Variants in RSRC1 observed in about 807,000 individuals in gnomAD.
RSRC1 encodes serine/Arginine-related protein 53.
In RSRC1, 39 loss-of-function variants were observed where a neutral mutation model predicts 49.1. The ratio of observed to expected loss-of-function variants is 0.79; its 90% CI spans 0.61 to 1.04. The LOEUF is 1.04. RSRC1 is among the 50% of genes least tolerant of loss of function. The pLI, the probability that RSRC1 is intolerant of heterozygous loss-of-function variation, is 0.00. For synonymous variants in RSRC1, 143 were observed against 130.8 expected, an observed-to-expected ratio of 1.09 and a Z score of -0.63; for missense variants, 388 against 402.4, an observed-to-expected ratio of 0.96 and a Z score of 0.31.
chr3:158,263,161 A>G (rs1023990030), intron 4 of RSRC1, among the ~76,000 whole-genome samples: 1 of 152,124 alleles, frequency 6.6e-6, no homozygotes, highest in African/African-American at 2.4e-5. Context: ...TATCAAGATA[A>G]TTTTAGTAGA....
At chr3:158,525,926 G>C (rs1711996817) in intron 7 of RSRC1, among the ~76,000 whole-genome samples, 1 of 151,880 alleles carries the variant, frequency 6.6e-6, no homozygotes, top group Admixed American at 6.6e-5. Flanking sequence ...AAAATTCTTG[G>C]TAACAATGGA....
intron 4 of RSRC1, among the ~76,000 whole-genome samples, chr3:158,286,524 T>C (rs1463919628): frequency 1.3e-5 from 2 of 152,226 alleles, no homozygotes; most frequent in African/African-American, 4.8e-5. Context: ...TATGAAAATT[T>C]AAGTGCTGGG....
intron 5 of RSRC1, among the ~76,000 whole-genome samples, chr3:158,326,728 A>T (rs1256145577): frequency 6.6e-6 from 1 of 152,150 alleles, no homozygotes; most frequent in Admixed American, 6.5e-5. Flanking sequence ...TGGTATCAGG[A>T]TGATGCTGGC....
intron 4 of RSRC1, among the ~76,000 whole-genome samples, chr3:158,286,647 C>CA (rs1407472153): frequency 6.6e-6 from 1 of 152,162 alleles, no homozygotes; most frequent in Non-Finnish European, 1.5e-5. Context: ...TTATTATTTC[C>CA]TAGCACTATT....
chr3:158,526,235 A>T (rs918318746), intron 7 of RSRC1, among the ~76,000 whole-genome samples: 2 of 151,966 alleles, frequency 1.3e-5, no homozygotes, highest in Admixed American at 1.3e-4. Context: ...TGTACATAAA[A>T]TTGATAAAAT....
At chr3:158,441,847 A>G (rs1055537824) in intron 6 of RSRC1, among the ~76,000 whole-genome samples, 5 of 152,094 alleles carry the variant, frequency 3.3e-5, no homozygotes, top group Admixed American at 2.0e-4. Flanking sequence ...GCTCTAGTGA[A>G]TACAAAGGAC....
At chr3:158,431,343 A>T (rs1183058000) in intron 6 of RSRC1, among the ~76,000 whole-genome samples, 1 of 151,940 alleles carries the variant, frequency 6.6e-6, no homozygotes, top group Non-Finnish European at 1.5e-5. Flanking sequence ...ATTCCAAATA[A>T]TAAAAGGCAG....
chr3:158,537,372 C>CA (rs547982708), intron 8 of RSRC1, among the ~76,000 whole-genome samples, 174 bp downstream of exon 8: 137 of 151,616 alleles, frequency 9.0e-4, no homozygotes, highest in African/African-American at 3.0e-3. Context: ...CACTTTAATA[C>CA]AAGTTTAATT....
intron 4 of RSRC1, among the ~76,000 whole-genome samples, chr3:158,293,335 A>G (rs1727050443): frequency 6.6e-6 from 1 of 151,982 alleles, no homozygotes; most frequent in South Asian, 2.1e-4. Flanking sequence ...GGAGTAGGGG[A>G]CTTAAATGTA....
intron 6 of RSRC1, among the ~76,000 whole-genome samples, chr3:158,456,324 T>A (rs1404122562): frequency 6.6e-6 from 1 of 150,684 alleles, no homozygotes; most frequent in South Asian, 2.1e-4. Flanking sequence ...TTTTTTTTTT[T>A]AATAGGCCAG....
At chr3:158,500,441 G>A (rs1052224970) in intron 7 of RSRC1, among the ~76,000 whole-genome samples, 16 of 152,132 alleles carry the variant, frequency 1.1e-4, no homozygotes, top group African/African-American at 2.9e-4. Context: ...AAAAGGATTG[G>A]TACCAATTCT....
intron 6 of RSRC1, among the ~76,000 whole-genome samples, chr3:158,408,859 C>A (rs561265180): frequency 6.6e-6 from 1 of 151,976 alleles, no homozygotes; most frequent in East Asian, 1.9e-4. Flanking sequence ...TGGTGAGACC[C>A]CCGTCTCTAC....
chr3:158,337,454 T>C (rs1729980517), intron 5 of RSRC1, among the ~76,000 whole-genome samples: 1 of 152,210 alleles, frequency 6.6e-6, no homozygotes, highest in Non-Finnish European at 1.5e-5. Flanking sequence ...TGTGGGCGCA[T>C]GGCCCTTGCT....
intron 3 of RSRC1, among the ~76,000 whole-genome samples, chr3:158,181,169 A>G (rs1428855269): frequency 2.0e-5 from 3 of 152,232 alleles, no homozygotes; most frequent in Non-Finnish European, 4.4e-5. Context: ...TCATTGAACT[A>G]GATGATCAGC....
At chr3:158,496,767 C>A in intron 7 of RSRC1, 1 of 284,314 alleles carries the variant, frequency 3.5e-6, no homozygotes. Context: ...AACACCAAAT[C>A]TACCTAAGTA....
chr3:158,426,085 T>G (rs935941863), intron 6 of RSRC1, among the ~76,000 whole-genome samples: 1 of 151,680 alleles, frequency 6.6e-6, no homozygotes, highest in Admixed American at 6.6e-5. Context: ...ATATGGAAAT[T>G]TCAAAAGGCT....
At position 158,545,283 on chromosome 3, in the gene RSRC1, G is replaced by T. The variant is rs1713285600; in HGVS notation, c.*1008G>T. 7.6e-6 allele frequency: 1 copy of T among 131,808 alleles called. No individual in the cohort carries two copies. Among genetic ancestry groups the T allele is most frequent in the Non-Finnish European group, 1.5e-5 (1 of 64,820 alleles). 8.2% of individuals were successfully genotyped at this position (131,808 alleles called of 1,614,324 possible). A position where few individuals can be genotyped will look rare whatever the true frequency, so the allele number is the denominator to read the frequency against. On this transcript the variant is annotated 3_prime_UTR_variant, in exon 10 of 10. Transcript: ENST00000611884. ...GTGGCGCGATCTCAGCTCACTGCAA[G>T]CTCCGCCTCCCAGGTTCACGCCATT...
At chr3:158,154,421 C>A (rs955495585) in intron 3 of RSRC1, among the ~76,000 whole-genome samples, 3 of 151,462 alleles carry the variant, frequency 2.0e-5, no homozygotes, top group Non-Finnish European at 4.4e-5. Context: ...TGAAAGATTT[C>A]TCTGTAGCAA....
At chr3:158,247,877 C>T (rs1199866435) in intron 4 of RSRC1, among the ~76,000 whole-genome samples, 11 of 152,154 alleles carry the variant, frequency 7.2e-5, no homozygotes, top group Admixed American at 2.6e-4. Context: ...GGTTGGCCAT[C>T]GCCCCACCCT....
Sources: allele counts gnomAD v4.1 joint callset (sites outside exome capture counted in the v4.1 genomes callset), GRCh38; gene constraint gnomAD v4.1.1; transcripts MANE v1.5; gene names NCBI Gene and HGNC (gene_info 2026-07-23, HGNC 2026-07-21).